UGT1A10: variants seen among roughly 807,000 people sequenced by gnomAD.
UGT1A10 encodes the protein UDP glucuronosyltransferase family 1 member A10, also known as UDP-glucuronosyltransferase 1A10.
In UGT1A10, 49 loss-of-function variants were observed where a neutral mutation model predicts 45.8. The observed-to-expected ratio is 1.07, with a 90% CI of 0.85 to 1.36. The LOEUF is 1.36. UGT1A10 is among the 40% of genes most tolerant of loss of function. The pLI is 0.00. For missense variants in UGT1A10, 745 were observed against 668.6 expected (o/e 1.11, Z -1.26); for synonymous variants, 284 against 249.7 (o/e 1.14, Z -1.29).
chr2:233,733,638 G>C (rs913820039), intron 1 of UGT1A10, among the ~76,000 whole-genome samples: 1 of 152,200 alleles, frequency 6.6e-6, no homozygotes, highest in African/African-American at 2.4e-5. Flanking sequence ...AACCAGCCTT[G>C]CATCCCAAGG....
chr2:233,674,661 T>C (rs186446222), intron 1 of UGT1A10, among the ~76,000 whole-genome samples: 1 of 152,186 alleles, frequency 6.6e-6, no homozygotes, highest in African/African-American at 2.4e-5. Flanking sequence ...TTATGAGATA[T>C]GAAATAAATG....
intron 1 of UGT1A10, among the ~76,000 whole-genome samples, chr2:233,639,201 C>G (rs2073383173): frequency 6.6e-6 from 1 of 152,074 alleles, no homozygotes; most frequent in Admixed American, 6.5e-5. Flanking sequence ...TTGTAAATAT[C>G]TTTTATGAGA....
At chr2:233,672,621 A>G (rs200362930) in intron 1 of UGT1A10, 2 of 1,613,896 alleles carry the variant, frequency 1.2e-6, no homozygotes, top group Non-Finnish European at 1.7e-6. Context: ...ATGCCCTAGA[A>G]ATAGCCTCTG....
At chr2:233,738,256 C>A (rs775163628) in intron 1 of UGT1A10, among the ~76,000 whole-genome samples, 10 of 152,180 alleles carry the variant, frequency 6.6e-5, no homozygotes, top group Non-Finnish European at 1.0e-4. Context: ...GAACTGGAGT[C>A]AATTAAAGCT....
chr2:233,730,165 G>T (rs142374428), intron 1 of UGT1A10, among the ~76,000 whole-genome samples: 1 of 152,156 alleles, frequency 6.6e-6, no homozygotes. Context: ...CTCTAGTAGC[G>T]TATTTCAGGT....
chr2:233,677,023 A>G (rs970318591), intron 1 of UGT1A10, among the ~76,000 whole-genome samples: 7 of 151,644 alleles, frequency 4.6e-5, no homozygotes, highest in African/African-American at 1.7e-4. Context: ...TGCTTTTGCT[A>G]TTGGAGGTCT....
At chr2:233,707,836 T>C (rs2075990363) in intron 1 of UGT1A10, among the ~76,000 whole-genome samples, 1 of 152,212 alleles carries the variant, frequency 6.6e-6, no homozygotes, top group Non-Finnish European at 1.5e-5. Context: ...TTTAATAAGA[T>C]GTAACTATTT....
intron 1 of UGT1A10, chr2:233,690,553 C>A (rs2074996047): frequency 7.8e-7 from 1 of 1,289,576 alleles, no homozygotes. Flanking sequence ...GAATATGTCC[C>A]AAGCCTGAGT....
chr2:233,678,087 G>T (rs2074408357), intron 1 of UGT1A10, among the ~76,000 whole-genome samples: 1 of 152,136 alleles, frequency 6.6e-6, no homozygotes, highest in African/African-American at 2.4e-5. Context: ...AAATACCATT[G>T]TTTTCACTTA....
At chr2:233,722,133 T>C (rs1336404223) in intron 1 of UGT1A10, 2 of 172,564 alleles carry the variant, frequency 1.2e-5, no homozygotes, top group Non-Finnish European at 2.5e-5. Context: ...TAGTAGAGTT[T>C]AAGACTCCTG....
In UGT1A10 at chr2:233,710,708, G is replaced by A. The variant is rs114746261; in HGVS notation, c.856-56326G>A. Among the ~76,000 whole-genome samples, 1,495 of 152,198 alleles carry A rather than the reference G, an allele frequency of 9.8e-3. 22 individuals carry two copies. Among genetic ancestry groups the A allele is most frequent in the African/African-American group, 0.034 (1,426 of 41,536 alleles). Reference sequence around the variant, plus strand: ...TTACTTCTGGTGTGTGGTGTCCTTTGTTTCATTTTTTAAAAAACAACGTCT... The same window carrying A: ...TTACTTCTGGTGTGTGGTGTCCTTTATTTCATTTTTTAAAAAACAACGTCT... On this transcript the variant is annotated intron_variant, in intron 1 of 4. Transcript: ENST00000344644.
At chr2:233,693,799 GC>G in intron 1 of UGT1A10, 2 of 1,614,154 alleles carry the variant, frequency 1.2e-6, no homozygotes, top group Non-Finnish European at 1.7e-6. Context: ...AATATCCTAG[GC>G]CGGTCATGCC....
chr2:233,672,183 G>A (rs766146681), intron 1 of UGT1A10: 1 of 1,614,064 alleles, frequency 6.2e-7, no homozygotes, highest in Non-Finnish European at 8.5e-7. Flanking sequence ...CATATACCCT[G>A]GAGGATCTGG....
intron 1 of UGT1A10, chr2:233,729,594 C>G (rs1443112600): frequency 1.2e-6 from 2 of 1,613,988 alleles, no homozygotes; most frequent in African/African-American, 2.7e-5. Flanking sequence ...CCGTTAACCT[C>G]TGCGCGGCAG....
intron 1 of UGT1A10, among the ~76,000 whole-genome samples, chr2:233,690,309 T>C (rs1246191165): frequency 2.6e-5 from 4 of 152,226 alleles, no homozygotes; most frequent in Non-Finnish European, 5.9e-5. Flanking sequence ...GCTCCATTAC[T>C]TATGGGTCGT....
chr2:233,669,086 G>A (rs1438123579), intron 1 of UGT1A10, among the ~76,000 whole-genome samples: 1 of 152,200 alleles, frequency 6.6e-6, no homozygotes, highest in African/African-American at 2.4e-5. Context: ...ATACCCAACT[G>A]TTGAAGAGTC....
chr2:233,639,012 C>T (rs1290227028), intron 1 of UGT1A10, among the ~76,000 whole-genome samples: 1 of 152,192 alleles, frequency 6.6e-6, no homozygotes, highest in Non-Finnish European at 1.5e-5. Flanking sequence ...ACCCCACAGC[C>T]TTCGGCCGAG....
intron 1 of UGT1A10, chr2:233,682,037 G>A: frequency 6.2e-7 from 1 of 1,614,110 alleles, no homozygotes; most frequent in Non-Finnish European, 8.5e-7. Flanking sequence ...AGTGCCCATG[G>A]ATGGGAGCCA....
intron 1 of UGT1A10, among the ~76,000 whole-genome samples, chr2:233,715,114 G>A (rs1204303060): frequency 6.6e-6 from 1 of 152,076 alleles, no homozygotes; most frequent in Non-Finnish European, 1.5e-5. Context: ...TCAAATGCCT[G>A]ATCTCAAGTG....
Sources: gnomAD v4.1 joint callset for allele counts (sites outside exome capture counted in the v4.1 genomes callset) on GRCh38, gnomAD v4.1.1 for gene constraint, MANE v1.5 for transcripts, NCBI Gene and HGNC (gene_info 2026-07-23, HGNC 2026-07-21) for gene names.